The following EXOC4 variants were observed in gnomAD, a reference collection of about 807,000 sequenced individuals.
EXOC4 encodes the protein SEC8-like 1.
EXOC4 carries 71 observed loss-of-function variants against 107.2 expected under a neutral mutation model. The ratio of observed to expected loss-of-function variants is 0.66; its 90% CI spans 0.55 to 0.81. The LOEUF is 0.81. EXOC4 is among the 30% of genes least tolerant of loss of function. EXOC4 has a pLI of 0.00. For missense variants in EXOC4, 1,108 were observed against 1,189.6 expected (o/e 0.93, Z 1.01); for synonymous variants, 456 against 441.2 (o/e 1.03, Z -0.42).
At chr7:134,058,543 A>G (rs1039225198) in intron 17 of EXOC4, among the ~76,000 whole-genome samples, 3 of 152,232 alleles carry the variant, frequency 2.0e-5, no homozygotes, top group Non-Finnish European at 2.9e-5. Context: ...TAAATTTACA[A>G]CATGACTGCA....
Position 133,674,114 on chromosome 7 carries a change from C to T in EXOC4, c.1514+43973C>T, listed in dbSNP as rs376697437. ...GAAAAAATGCAGAGCTGGAGCTTGC[C>T]TTGAATGATTAAAAGTCACATGAGG... is the stretch of plus-strand genomic sequence containing the variant. On this transcript the variant is annotated intron_variant, in intron 10 of 17. Transcript: ENST00000253861. Among the ~76,000 whole-genome samples, 438 of 152,226 alleles carry T rather than the reference C, an allele frequency of 2.9e-3. 3 individuals are homozygous for T. Among genetic ancestry groups the T allele is most frequent in the African/African-American group, 9.8e-3 (407 of 41,534 alleles).
chr7:133,304,420 G>A (rs1473794655), intron 3 of EXOC4, among the ~76,000 whole-genome samples: 1 of 152,214 alleles, frequency 6.6e-6, no homozygotes, highest in Non-Finnish European at 1.5e-5. Context: ...GCGTGAAAAT[G>A]AACTGGTAGG....
chr7:133,311,218 A>C (rs541154423), intron 4 of EXOC4, among the ~76,000 whole-genome samples: 1 of 152,162 alleles, frequency 6.6e-6, no homozygotes, highest in Non-Finnish European at 1.5e-5. Flanking sequence ...GAATTGTTTA[A>C]AAGAATTGTG....
At chr7:133,955,598 C>G (rs917266017) in intron 14 of EXOC4, among the ~76,000 whole-genome samples, 2 of 152,168 alleles carry the variant, frequency 1.3e-5, no homozygotes, top group African/African-American at 4.8e-5. Context: ...AGGCTTCAGA[C>G]CTTTCTTTAC....
At chr7:134,035,572 T>G (rs770307470) in intron 17 of EXOC4, among the ~76,000 whole-genome samples, 2 of 152,246 alleles carry the variant, frequency 1.3e-5, no homozygotes, top group Non-Finnish European at 2.9e-5. Flanking sequence ...TCTTTTAGGA[T>G]ACTTTTAACT....
chr7:133,903,208 C>T (rs1211800640), intron 12 of EXOC4, among the ~76,000 whole-genome samples: 2 of 152,206 alleles, frequency 1.3e-5, no homozygotes, highest in Non-Finnish European at 2.9e-5. Context: ...TGGTAAGCCA[C>T]TCTAGGGATG....
intron 10 of EXOC4, among the ~76,000 whole-genome samples, chr7:133,742,459 G>A (rs952482368): frequency 2.0e-5 from 3 of 152,200 alleles, no homozygotes; most frequent in African/African-American, 7.2e-5. Context: ...TTTGCTTAAA[G>A]TGAACTACAC....
At chr7:133,458,538 C>T (rs929191771) in intron 7 of EXOC4, among the ~76,000 whole-genome samples, 18 of 152,096 alleles carry the variant, frequency 1.2e-4, no homozygotes, top group Admixed American at 3.3e-4. Context: ...TGATTGAAAA[C>T]GTGTGGTTTT....
Position 133,823,850 on chromosome 7 carries a change from TA to T in EXOC4, c.1734+6307del, listed in dbSNP as rs61431352. On this transcript the variant is annotated intron_variant, in intron 11 of 17. Transcript: ENST00000253861. The stretch of plus-strand genomic sequence containing the variant: ...CATATATATATATATATATTATATA[TA>T]TATATATATATATATATATATTATA... Among the ~76,000 whole-genome samples, 21 of 10,278 alleles carry T rather than the reference TA, an allele frequency of 2.0e-3. 2 individuals carry two copies. In the East Asian group the frequency reaches 0.04, roughly 20 times the overall value. The allele number at this position is 10,278 out of a possible 152,430, so 6.7% of individuals were successfully genotyped here.
intron 7 of EXOC4, among the ~76,000 whole-genome samples, chr7:133,392,549 T>C (rs1796876870): frequency 6.6e-6 from 1 of 152,122 alleles, no homozygotes; most frequent in Admixed American, 6.5e-5. Flanking sequence ...GAGTGAATGA[T>C]GGTTTTATTT....
chr7:133,924,155 A>T (rs1800000538), intron 13 of EXOC4, among the ~76,000 whole-genome samples: 1 of 152,202 alleles, frequency 6.6e-6, no homozygotes, highest in African/African-American at 2.4e-5. Flanking sequence ...GATTTTGAAG[A>T]TGCCTGGGTG....
chr7:133,380,249 T>TA (rs761590138), intron 7 of EXOC4, among the ~76,000 whole-genome samples: 1 of 124,138 alleles, frequency 8.1e-6, no homozygotes, highest in African/African-American at 3.3e-5. Flanking sequence ...AAAAATAAAA[T>TA]AAAATAAAAT....
At chr7:133,560,080 G>A (rs1800777659) in intron 9 of EXOC4, among the ~76,000 whole-genome samples, 1 of 152,032 alleles carries the variant, frequency 6.6e-6, no homozygotes, top group Non-Finnish European at 1.5e-5. Flanking sequence ...GTAGTTTTAT[G>A]TTTGGCTTAG....
intron 14 of EXOC4, among the ~76,000 whole-genome samples, chr7:133,969,053 TC>T (rs1355940896): frequency 6.6e-6 from 1 of 152,224 alleles, no homozygotes; most frequent in African/African-American, 2.4e-5. Flanking sequence ...TCATTTTTTT[TC>T]TCTAATCTTG....
chr7:133,974,466 A>G (rs1793782809), intron 14 of EXOC4, among the ~76,000 whole-genome samples: 1 of 152,228 alleles, frequency 6.6e-6, no homozygotes, highest in Admixed American at 6.5e-5. Flanking sequence ...TTTCCTTAGG[A>G]TATACTGTTG....
At chr7:133,619,482 A>G (rs1185778640) in intron 9 of EXOC4, among the ~76,000 whole-genome samples, 2 of 152,188 alleles carry the variant, frequency 1.3e-5, no homozygotes, top group East Asian at 3.9e-4. Flanking sequence ...TGATAGGCTC[A>G]ACATGTTTTC....
At chr7:133,674,654 G>A (rs886082053) in intron 10 of EXOC4, among the ~76,000 whole-genome samples, 1 of 152,176 alleles carries the variant, frequency 6.6e-6, no homozygotes, top group Non-Finnish European at 1.5e-5. Context: ...CCTATTAGCA[G>A]CATAGACTTG....
chr7:133,521,942 T>C (rs1013986308), intron 9 of EXOC4, among the ~76,000 whole-genome samples: 1 of 151,834 alleles, frequency 6.6e-6, no homozygotes, highest in Non-Finnish European at 1.5e-5. Flanking sequence ...GTTTTATGTA[T>C]GTGTTTGTAA....
chr7:133,902,924 A>G (rs139301247), intron 12 of EXOC4, among the ~76,000 whole-genome samples: 2 of 152,324 alleles, frequency 1.3e-5, no homozygotes, highest in Admixed American at 1.3e-4. Flanking sequence ...AATGGAGTAA[A>G]GTAGATAGAC....
Sources: gnomAD v4.1 joint callset for allele counts (sites outside exome capture counted in the v4.1 genomes callset) on GRCh38, gnomAD v4.1.1 for gene constraint, MANE v1.5 for transcripts, NCBI Gene and HGNC (gene_info 2026-07-23, HGNC 2026-07-21) for gene names.